PPP6R3: variants seen among roughly 807,000 people sequenced by gnomAD.
PPP6R3 encodes protein phosphatase 6 regulatory subunit 3.
In PPP6R3, 38 loss-of-function variants were observed where a neutral mutation model predicts 110.7. The ratio of observed to expected loss-of-function variants is 0.34; its 90% CI spans 0.26 to 0.45. The LOEUF is 0.45. PPP6R3 is among the 20% of genes least tolerant of loss of function. The pLI, the probability that PPP6R3 is intolerant of heterozygous loss-of-function variation, is 1.00. For synonymous variants in PPP6R3, 369 were observed against 373.5 expected (o/e 0.99, Z 0.14); for missense variants, 870 against 1,062.4 (o/e 0.82, Z 2.52).
intron 14 of PPP6R3, 36 bp downstream of exon 14, chr11:68,576,079 T>A (rs2099530208): frequency 6.9e-7 from 1 of 1,458,372 alleles, no homozygotes. Flanking sequence ...ATTCTTTCAG[T>A]GCTCTTAGCC....
chr11:68,537,463 A>AG (rs1420236817), intron 2 of PPP6R3, among the ~76,000 whole-genome samples, 196 bp from the exon 3 acceptor site: 1 of 152,212 alleles, frequency 6.6e-6, no homozygotes, highest in Non-Finnish European at 1.5e-5. Context: ...ATCTATTAAA[A>AG]TATTTTCTTT....
At chr11:68,563,985 C>T (rs949549790) in intron 8 of PPP6R3, among the ~76,000 whole-genome samples, 2 of 152,148 alleles carry the variant, frequency 1.3e-5, no homozygotes, top group South Asian at 2.1e-4. Context: ...GGTTGGATCC[C>T]TTTCGCTTTC....
chr11:68,586,617 CAAGG>C (rs1346623260), intron 15 of PPP6R3: 1 of 152,210 alleles, frequency 6.6e-6, no homozygotes, highest in African/African-American at 2.4e-5. Context: ...GCATGAGCGA[CAAGG>C]GAGGTTTTGG....
At chr11:68,573,154 A>ATATATATATATATATATAT (rs35361909) in intron 12 of PPP6R3, among the ~76,000 whole-genome samples, 38 of 74,256 alleles carry the variant, frequency 5.1e-4, no homozygotes, top group South Asian at 8.0e-4. Context: ...ATATATATAT[A>ATATATATATATATATATAT]ATTTTTTTTT....
chr11:68,564,804 A>T (rs2099452662), intron 9 of PPP6R3, among the ~76,000 whole-genome samples: 1 of 152,212 alleles, frequency 6.6e-6, no homozygotes, highest in South Asian at 2.1e-4. Context: ...TGTATGTCTG[A>T]TGTATAGTCG....
chr11:68,554,315 C>G, intron 7 of PPP6R3, 58 bp downstream of exon 7: 1 of 1,323,298 alleles, frequency 7.6e-7, no homozygotes, highest in Non-Finnish European at 1.1e-6. Flanking sequence ...CCATGTGTTA[C>G]CATTGTGAGT....
chr11:68,477,741 A>AAATATATATATATATATATAT, intron 1 of PPP6R3, among the ~76,000 whole-genome samples: 73 of 57,886 alleles, frequency 1.3e-3, no homozygotes, highest in Non-Finnish European at 2.0e-3. Flanking sequence ...AAAAAAAAAA[A>AAATATATATATATATATATAT]ATATATATAT....
rs34666175 is a variant in PPP6R3 at position 68,542,389 on chromosome 11, G to GTTTTTT, written c.228-2432_228-2427dup. 3.7e-4 allele frequency among the ~76,000 whole-genome samples: 15 copies of GTTTTTT among 40,192 alleles called. 3 individuals carry two copies. Among genetic ancestry groups the GTTTTTT allele is most frequent in the African/African-American group, 1.1e-3 (11 of 9,634 alleles). The allele number at this position is 40,192 out of a possible 152,430, so 26.4% of individuals were successfully genotyped here. A position where few individuals can be genotyped will look rare whatever the true frequency, so the allele number is the denominator to read the frequency against. On this transcript the variant is annotated intron_variant, in intron 3 of 23. Transcript: ENST00000393800. ...ATCTTTGGGTGCTTGAGAAGCTGCTGTTTTTTTTTTTTTTTTTTTTTTAAG... is the reference window on the plus strand; with the variant it reads ...ATCTTTGGGTGCTTGAGAAGCTGCTGTTTTTTTTTTTTTTTTTTTTTTTTTTTTAAG...
intron 2 of PPP6R3, among the ~76,000 whole-genome samples, chr11:68,526,525 T>C (rs2099199162): frequency 6.6e-6 from 1 of 152,184 alleles, no homozygotes; most frequent in Admixed American, 6.5e-5. Context: ...AGATTACAGA[T>C]GTGAGCCACT....
intron 1 of PPP6R3, among the ~76,000 whole-genome samples, chr11:68,513,956 C>G (rs888211873): frequency 6.6e-6 from 1 of 152,158 alleles, no homozygotes; most frequent in Non-Finnish European, 1.5e-5. Context: ...TGATGTTGAT[C>G]CATCGTGGTT....
chr11:68,612,090 G>C (rs994843749), intron 23 of PPP6R3, among the ~76,000 whole-genome samples: 5 of 152,206 alleles, frequency 3.3e-5, no homozygotes, highest in Admixed American at 6.5e-5. Context: ...TTTTACAGAG[G>C]AGAAAACAGA....
Position 68,614,262 on chromosome 11 carries a change from G to A in PPP6R3, c.*1145G>A. 1.9e-6 allele frequency: 2 copies of A among 1,028,280 alleles called. No homozygotes were observed. Among genetic ancestry groups the A allele is most frequent in the Non-Finnish European group, 2.3e-6 (2 of 856,208 alleles). The allele number at this position is 1,028,280 out of a possible 1,614,324, so 63.7% of individuals were successfully genotyped here. On this transcript the variant is annotated 3_prime_UTR_variant, in exon 24 of 24. Coordinates refer to ENST00000393800, the MANE Select transcript of PPP6R3 (RefSeq NM_001164161.2). ...GTTTGTGTATATATATAGTGATTATGGATACTAATTCAATGTAATTTATAA... is the reference window on the plus strand; with the variant it reads ...GTTTGTGTATATATATAGTGATTATAGATACTAATTCAATGTAATTTATAA...
intron 2 of PPP6R3, among the ~76,000 whole-genome samples, chr11:68,529,427 C>T (rs1266592716): frequency 6.6e-6 from 1 of 152,160 alleles, no homozygotes; most frequent in Non-Finnish European, 1.5e-5. Flanking sequence ...CCATCTTGGC[C>T]AGGCTGGTCT....
intron 2 of PPP6R3, among the ~76,000 whole-genome samples, chr11:68,529,596 G>A (rs1448884932): frequency 6.6e-6 from 1 of 152,134 alleles, no homozygotes; most frequent in African/African-American, 2.4e-5. Flanking sequence ...GCAAGATCTA[G>A]CTCTTTGCAT....
At chr11:68,606,199 AT>A (rs924514808) in intron 22 of PPP6R3, among the ~76,000 whole-genome samples, 2 of 152,090 alleles carry the variant, frequency 1.3e-5, no homozygotes, top group African/African-American at 2.4e-5. Flanking sequence ...CAGTCATTTG[AT>A]TTTTTTTATA....
At chr11:68,593,909 G>A (rs140807755) in intron 18 of PPP6R3, among the ~76,000 whole-genome samples, 1 of 152,228 alleles carries the variant, frequency 6.6e-6, no homozygotes, top group East Asian at 1.9e-4. Context: ...GTGAGGCGAA[G>A]CAGGAGGATT....
intron 22 of PPP6R3, among the ~76,000 whole-genome samples, chr11:68,605,496 T>C (rs1266629994): frequency 6.6e-6 from 1 of 152,214 alleles, no homozygotes; most frequent in East Asian, 1.9e-4. Flanking sequence ...TAAAATTAGA[T>C]ATTTTGTCTC....
chr11:68,576,082 T>C, intron 14 of PPP6R3, 39 bp downstream of exon 14: 1 of 1,417,234 alleles, frequency 7.1e-7, no homozygotes, highest in East Asian at 2.3e-5. Context: ...CTTTCAGTGC[T>C]CTTAGCCTTT....
rs60848718 is a variant in PPP6R3 at position 68,573,114 on chromosome 11, T to TTATATATATATATATATA, written c.1344-972_1344-955dup. On this transcript the variant is annotated intron_variant, in intron 12 of 23. Transcript: ENST00000393800. ...TCAGATTAATATGAGTTTACTTATT[T>TTATATATATATATATATA]TATATATATATATATATATATATAT... Among the ~76,000 whole-genome samples, 222 of 61,686 alleles carry TTATATATATATATATATA rather than the reference T, an allele frequency of 3.6e-3. 3 individuals carry two copies. The highest frequency in any genetic ancestry group is 4.8e-3 in the Admixed American group (20 of 4,148). 40.5% of individuals were successfully genotyped at this position (61,686 alleles called of 152,430 possible).
Sources: gnomAD v4.1 joint callset for allele counts (sites outside exome capture counted in the v4.1 genomes callset) on GRCh38, gnomAD v4.1.1 for gene constraint, MANE v1.5 for transcripts, NCBI Gene and HGNC (gene_info 2026-07-23, HGNC 2026-07-21) for gene names.